MAST4: variants seen among roughly 807,000 people sequenced by gnomAD.
MAST4 encodes the protein microtubule associated serine/threonine kinase family member 4, also known as microtubule-associated serine/threonine-protein kinase 4.
Under a neutral mutation model 162.7 loss-of-function variants are expected in MAST4, and 89 were observed. The ratio of observed to expected loss-of-function variants is 0.55; its 90% CI spans 0.46 to 0.65. The LOEUF is 0.65. Ranked by LOEUF, MAST4 falls within the 30% of genes least tolerant of loss-of-function variation. The probability of loss-of-function intolerance (pLI) is 0.00; values close to 1 mark genes in which losing one functional copy is unlikely to be tolerated. For synonymous variants in MAST4, 1,479 were observed against 1,361.1 expected, an observed-to-expected ratio of 1.09 and a Z score of -1.91; for missense variants, 3,153 against 3,374.0, an observed-to-expected ratio of 0.93 and a Z score of 1.62.
chr5:66,638,402 T>A (rs1580068481), intron 1 of MAST4, among the ~76,000 whole-genome samples: 1 of 152,210 alleles, frequency 6.6e-6, no homozygotes, highest in Non-Finnish European at 1.5e-5. Context: ...CCTGGGTCAC[T>A]CCTGCCTCTC....
At chr5:66,608,877 C>A (rs1743085364) in intron 1 of MAST4, among the ~76,000 whole-genome samples, 1 of 152,054 alleles carries the variant, frequency 6.6e-6, no homozygotes, top group African/African-American at 2.4e-5. Context: ...GAATTAGGAT[C>A]TTAACTGTCT....
intron 1 of MAST4, among the ~76,000 whole-genome samples, chr5:66,716,271 G>A (rs1279957425): frequency 6.6e-6 from 1 of 152,142 alleles, no homozygotes; most frequent in Non-Finnish European, 1.5e-5. Flanking sequence ...CAGTATGCAA[G>A]AAATTATATA....
At chr5:66,830,597 C>T (rs1471012887) in intron 3 of MAST4, among the ~76,000 whole-genome samples, 1 of 152,108 alleles carries the variant, frequency 6.6e-6, no homozygotes, top group Admixed American at 6.6e-5. Flanking sequence ...AAAATAACAA[C>T]ATAAAAGTGC....
At position 67,166,709 on chromosome 5, in the gene MAST4, G is replaced by C. The variant is rs1192705746; in HGVS notation, c.7530G>C (p.Glu2510Asp). The C allele has an allele frequency of 1.3e-6, 2 of 1,589,190 alleles. No homozygotes were observed. The highest frequency in any genetic ancestry group is 1.7e-6 in the Non-Finnish European group (2 of 1,168,088). ...ATAGGAAGGCTCAGCCTGCCGGGGA[G>C]GGCCGAACCCACATGACAAAGAGTG... is the stretch of plus-strand genomic sequence containing the variant. Reference protein sequence around the residue: ...RDHRKAQPAGEGRTHMTKSDS... With the variant: ...RDHRKAQPAGDGRTHMTKSDS... Residue 2510 changes from glutamate to aspartate, a missense_variant, in exon 29 of 29, where the codon GAG (glutamate) becomes GAC (aspartate). Around this residue, in one of 7 missense-constraint regions of MAST4, gnomAD observed 1,644 missense variants for 1,495.0 expected, o/e 1.10. Transcript: ENST00000403625.
rs918204602 is a variant in MAST4 at position 66,796,511 on chromosome 5, G to C, written c.642+7717G>C. ...CAGCTCTCTGCATGGGTCTCTGCGT[G>C]GGTGTGCCTGGAAAGACCAGTCAAG... is the stretch of plus-strand genomic sequence containing the variant. On this transcript the variant is annotated intron_variant, in intron 3 of 28. Coordinates refer to ENST00000403625, the MANE Select transcript of MAST4 (RefSeq NM_001164664.2). Among the ~76,000 whole-genome samples the C allele has an allele frequency of 5.3e-5, 8 of 152,234 alleles. No individual in the cohort carries two copies. In the Middle Eastern group the frequency reaches 0.01, roughly 194 times the overall value.
chr5:66,895,640 A>G (rs183382990), intron 3 of MAST4, among the ~76,000 whole-genome samples: 8 of 151,970 alleles, frequency 5.3e-5, no homozygotes, highest in East Asian at 1.9e-4. Context: ...AAATCTGACT[A>G]CTCCTTACCA....
At chr5:66,972,551 G>A (rs914231775) in intron 4 of MAST4, among the ~76,000 whole-genome samples, 4 of 152,214 alleles carry the variant, frequency 2.6e-5, no homozygotes, top group African/African-American at 9.6e-5. Flanking sequence ...TGTAGATTTG[G>A]GGGCATGTGC....
intron 1 of MAST4, among the ~76,000 whole-genome samples, chr5:66,724,884 T>G (rs1428120154): frequency 6.6e-6 from 1 of 152,070 alleles, no homozygotes; most frequent in African/African-American, 2.4e-5. Flanking sequence ...TAATTTTTAC[T>G]TAAAGAAATC....
chr5:67,090,358 TC>T (rs1763706987), intron 6 of MAST4, 127 bp downstream of exon 6: 2 of 321,282 alleles, frequency 6.2e-6, no homozygotes, highest in South Asian at 2.5e-5. Flanking sequence ...CACTTCCCCT[TC>T]CCCCCACTTC....
At chr5:67,095,157 A>C (rs1362295930) in intron 6 of MAST4, among the ~76,000 whole-genome samples, 1 of 152,176 alleles carries the variant, frequency 6.6e-6, no homozygotes, top group Non-Finnish European at 1.5e-5. Flanking sequence ...TAATAAGCAG[A>C]AAGTGTTTCG....
chr5:66,950,224 T>A (rs937350790), intron 4 of MAST4, among the ~76,000 whole-genome samples: 4 of 133,134 alleles, frequency 3.0e-5, no homozygotes, highest in African/African-American at 1.6e-4. Flanking sequence ...CTAGTATACT[T>A]TTTTTTTCTT....
intron 1 of MAST4, among the ~76,000 whole-genome samples, chr5:66,599,644 C>G (rs1477502494): frequency 3.9e-5 from 6 of 152,114 alleles, no homozygotes; most frequent in Admixed American, 3.9e-4. Context: ...TTGGGTTGTC[C>G]TGTTATTTTA....
chr5:67,137,322 T>G (rs905050801), intron 19 of MAST4, among the ~76,000 whole-genome samples: 2 of 152,230 alleles, frequency 1.3e-5, no homozygotes, highest in South Asian at 4.1e-4. Context: ...CTCTGTATTC[T>G]GAATAGACAG....
chr5:66,761,047 C>T (rs147062653), intron 2 of MAST4, among the ~76,000 whole-genome samples: 15 of 152,268 alleles, frequency 9.9e-5, no homozygotes, highest in African/African-American at 3.4e-4. Context: ...GATGAACGAT[C>T]CAATTGCTGT....
chr5:66,956,255 C>G (rs1745303966), intron 4 of MAST4, among the ~76,000 whole-genome samples: 1 of 152,168 alleles, frequency 6.6e-6, no homozygotes, highest in Non-Finnish European at 1.5e-5. Flanking sequence ...TAACACATTC[C>G]CTTGTCTCTA....
In MAST4 at chr5:67,054,497, T is replaced by C; in HGVS notation, c.763+5T>C. On this transcript the variant is annotated splice_donor_5th_base_variant and intron_variant, in intron 5 of 28. Transcript: ENST00000403625. The stretch of plus-strand genomic sequence containing the variant: ...CACCTCTCTCTGCTCATGCAGGTAA[T>C]TGGTTACCATTTCTTGAGTTTTGTT... 1 of 1,600,236 alleles carries C rather than the reference T, an allele frequency of 6.2e-7. No homozygotes were observed. Among genetic ancestry groups the C allele is most frequent in the Non-Finnish European group, 8.5e-7 (1 of 1,174,362 alleles).
At chr5:67,042,633 G>A (rs1756904718) in intron 4 of MAST4, among the ~76,000 whole-genome samples, 1 of 152,088 alleles carries the variant, frequency 6.6e-6, no homozygotes, top group South Asian at 2.1e-4. Flanking sequence ...TAAAGTATAG[G>A]ATAAACACGC....
intron 1 of MAST4, among the ~76,000 whole-genome samples, chr5:66,647,528 T>G (rs893729339): frequency 1.3e-5 from 2 of 151,932 alleles, no homozygotes; most frequent in African/African-American, 4.8e-5. Context: ...TCTAAAAAAT[T>G]TTATCCAGAA....
chr5:66,606,376 A>G (rs1046936456), intron 1 of MAST4, among the ~76,000 whole-genome samples: 4 of 152,038 alleles, frequency 2.6e-5, no homozygotes, highest in Non-Finnish European at 5.9e-5. Context: ...TTTTTTTTAA[A>G]TAATTGGACA....
Sources: gnomAD v4.1 joint callset for allele counts (sites outside exome capture counted in the v4.1 genomes callset) on GRCh38, gnomAD v4.1.1 for gene constraint, gnomAD v4.1.1 regional missense constraint, MANE v1.5 for transcripts, NCBI Gene and HGNC (gene_info 2026-07-23, HGNC 2026-07-21) for gene names.